Variants in CTNND2 observed in about 807,000 individuals in gnomAD.
The protein encoded by CTNND2 is catenin delta-2.
A neutral mutation model predicts 144.4 loss-of-function variants in CTNND2; 22 were observed. That is an observed-to-expected ratio of 0.15 (90% CI 0.11 to 0.22). The LOEUF is 0.22. Ranked by LOEUF, CTNND2 falls within the 10% of genes least tolerant of loss-of-function variation. The pLI is 1.00. For missense variants in CTNND2, 1,353 were observed against 1,618.8 expected, an observed-to-expected ratio of 0.84 and a Z score of 2.82; for synonymous variants, 751 against 695.6, an observed-to-expected ratio of 1.08 and a Z score of -1.25.
chr5:11,653,503 T>G (rs1782754237), intron 2 of CTNND2, among the ~76,000 whole-genome samples: 1 of 152,180 alleles, frequency 6.6e-6, no homozygotes, highest in East Asian at 1.9e-4. Context: ...TTAGCCCTTT[T>G]TATATACCTG....
chr5:11,644,803 T>C (rs1247879357), intron 2 of CTNND2, among the ~76,000 whole-genome samples: 1 of 152,200 alleles, frequency 6.6e-6, no homozygotes, highest in Non-Finnish European at 1.5e-5. Flanking sequence ...AATTGATGCT[T>C]GTCACCCATA....
chr5:11,766,511 A>G (rs570403543), intron 1 of CTNND2, among the ~76,000 whole-genome samples: 4 of 152,330 alleles, frequency 2.6e-5, no homozygotes, highest in South Asian at 4.1e-4. Flanking sequence ...TTGTCATCCA[A>G]GTAAGACATG....
At chr5:11,175,484 A>G (rs1760391839) in intron 11 of CTNND2, among the ~76,000 whole-genome samples, 1 of 152,120 alleles carries the variant, frequency 6.6e-6, no homozygotes, top group South Asian at 2.1e-4. Context: ...CGTTAACTTG[A>G]CTTTTGCATT....
chr5:11,326,925 G>C (rs112528286), intron 9 of CTNND2, among the ~76,000 whole-genome samples: 4,473 of 152,252 alleles, frequency 0.029, 214 homozygotes, highest in African/African-American at 0.1. Context: ...TGATGCAGAG[G>C]CATCTCCTGG....
At chr5:11,026,607 T>C (rs1176776840) in intron 16 of CTNND2, among the ~76,000 whole-genome samples, 1 of 152,132 alleles carries the variant, frequency 6.6e-6, no homozygotes, top group Non-Finnish European at 1.5e-5. Flanking sequence ...TCTGCCTGCC[T>C]CTGCCTCCCA....
At chr5:11,525,301 A>T (rs1193143159) in intron 3 of CTNND2, among the ~76,000 whole-genome samples, 1 of 152,198 alleles carries the variant, frequency 6.6e-6, no homozygotes. Context: ...TCCCTTCCCC[A>T]GGAGGCTCTT....
At chr5:11,778,259 A>G (rs1483187205) in intron 1 of CTNND2, among the ~76,000 whole-genome samples, 1 of 152,066 alleles carries the variant, frequency 6.6e-6, no homozygotes, top group Non-Finnish European at 1.5e-5. Context: ...AATGCACATC[A>G]TGTCTGACTT....
At chr5:11,557,924 A>G (rs2150095405) in intron 3 of CTNND2, among the ~76,000 whole-genome samples, 1 of 152,330 alleles carries the variant, frequency 6.6e-6, no homozygotes, top group African/African-American at 2.4e-5. Context: ...GAATTAGCCT[A>G]GCGGAAAATT....
intron 3 of CTNND2, among the ~76,000 whole-genome samples, chr5:11,446,568 G>T (rs866191132): frequency 3.0e-4 from 46 of 152,286 alleles, no homozygotes; most frequent in African/African-American, 1.0e-3. Context: ...AGGGGTCTCA[G>T]ATTCTGACTT....
At chr5:11,577,707 A>C (rs189736815) in intron 2 of CTNND2, among the ~76,000 whole-genome samples, 1 of 152,340 alleles carries the variant, frequency 6.6e-6, no homozygotes, top group East Asian at 1.9e-4. Flanking sequence ...TGACATAAGC[A>C]AAAGGTTGAT....
At chr5:11,450,374 G>A (rs1440644979) in intron 3 of CTNND2, among the ~76,000 whole-genome samples, 1 of 152,216 alleles carries the variant, frequency 6.6e-6, no homozygotes, top group Non-Finnish European at 1.5e-5. Context: ...CGTGCCTTCA[G>A]TGAGGGTGCC....
chr5:11,692,053 TAAA>T (rs557259262), intron 2 of CTNND2, among the ~76,000 whole-genome samples: 1 of 152,024 alleles, frequency 6.6e-6, no homozygotes, highest in Admixed American at 6.6e-5. Context: ...GAAACTGGTT[TAAA>T]AAAAAGTTTT....
At chr5:11,610,282 C>T (rs193186892) in intron 2 of CTNND2, among the ~76,000 whole-genome samples, 29 of 152,304 alleles carry the variant, frequency 1.9e-4, no homozygotes, top group Middle Eastern at 6.8e-3. Context: ...AAGGAAATAA[C>T]ATTGAAAAGC....
At chr5:11,721,200 T>G (rs1441694354) in intron 2 of CTNND2, among the ~76,000 whole-genome samples, 1 of 152,190 alleles carries the variant, frequency 6.6e-6, no homozygotes, top group Admixed American at 6.5e-5. Flanking sequence ...TGATAAGCAA[T>G]ATAAGCCCTT....
chr5:11,896,705 G>A (rs950175866), intron 1 of CTNND2, among the ~76,000 whole-genome samples: 3 of 152,060 alleles, frequency 2.0e-5, no homozygotes, highest in Non-Finnish European at 4.4e-5. Flanking sequence ...TTGAAACCCT[G>A]ACATAAACAC....
intron 2 of CTNND2, among the ~76,000 whole-genome samples, chr5:11,600,397 G>T (rs531318010): frequency 6.6e-6 from 1 of 152,176 alleles, no homozygotes; most frequent in African/African-American, 2.4e-5. Flanking sequence ...GTACCAACAT[G>T]TGTGCAAATT....
At chr5:11,604,350 T>C (rs964186801) in intron 2 of CTNND2, among the ~76,000 whole-genome samples, 7 of 152,218 alleles carry the variant, frequency 4.6e-5, no homozygotes, top group South Asian at 2.1e-4. Context: ...GATCTAGACA[T>C]AGTACAAAAT....
chr5:11,500,660 A>C lies in CTNND2; in HGVS notation c.287+64284T>G, dbSNP rs142437539. 3.8e-3 allele frequency among the ~76,000 whole-genome samples: 577 copies of C among 152,338 alleles called. 4 individuals are homozygous for C. The highest frequency in any genetic ancestry group is 0.013 in the African/African-American group (540 of 41,576). ...ATATTATTGTTGCTGAAAAATGAAT[A>C]TTCCAGGTAATCATCACCATGCTGT... is the stretch of plus-strand genomic sequence containing the variant. On this transcript the variant is annotated intron_variant, in intron 3 of 21. Transcript: ENST00000304623.
intron 15 of CTNND2, among the ~76,000 whole-genome samples, chr5:11,095,769 A>G (rs955686310): frequency 3.3e-5 from 5 of 152,190 alleles, no homozygotes; most frequent in African/African-American, 1.2e-4. Context: ...TGTCTTTTTT[A>G]TCTGTCCGCT....
Sources: allele counts gnomAD v4.1 joint callset (sites outside exome capture counted in the v4.1 genomes callset), GRCh38; gene constraint gnomAD v4.1.1; transcripts MANE v1.5; gene names NCBI Gene and HGNC (gene_info 2026-07-23, HGNC 2026-07-21).